The following TOPAZ1 variants were observed in gnomAD, a reference collection of about 807,000 sequenced individuals.
The protein encoded by TOPAZ1 is testis and ovary specific TOPAZ 1.
Under a neutral mutation model 172.2 loss-of-function variants are expected in TOPAZ1, and 66 were observed. The ratio of observed to expected loss-of-function variants is 0.38; its 90% CI spans 0.31 to 0.47. The LOEUF is 0.47. Ranked by LOEUF, TOPAZ1 falls within the 20% of genes least tolerant of loss-of-function variation. TOPAZ1 has a pLI of 0.99. For missense variants in TOPAZ1, 1,822 were observed against 1,972.4 expected (o/e 0.92, Z 1.44); for synonymous variants, 681 against 683.9 (o/e 1.00, Z 0.07).
chr3:44,281,858 T>G, intron 8 of TOPAZ1, 110 bp from the exon 9 acceptor site: 1 of 636,754 alleles, frequency 1.6e-6, no homozygotes, highest in Non-Finnish European at 2.7e-6. Flanking sequence ...TTCCAATCCT[T>G]TGAGATCATT....
intron 3 of TOPAZ1, among the ~76,000 whole-genome samples, chr3:44,255,265 T>C (rs1165069595): frequency 6.6e-6 from 1 of 152,212 alleles, no homozygotes; most frequent in Non-Finnish European, 1.5e-5. Context: ...CTACAAAAGA[T>C]AGGTAATTGA....
At chr3:44,252,422 C>T (rs1038594172) in intron 2 of TOPAZ1, among the ~76,000 whole-genome samples, 5 of 152,282 alleles carry the variant, frequency 3.3e-5, no homozygotes, top group South Asian at 4.1e-4. Flanking sequence ...TGCCAGTAAC[C>T]GTTGAGAGTG....
At chr3:44,263,857 A>G (rs924716745) in intron 5 of TOPAZ1, among the ~76,000 whole-genome samples, 3 of 152,208 alleles carry the variant, frequency 2.0e-5, no homozygotes, top group African/African-American at 7.2e-5. Context: ...CTAGATAAGT[A>G]GTGTCCAAAT....
chr3:44,304,803 G>A (rs1171679801), intron 13 of TOPAZ1, among the ~76,000 whole-genome samples: 1 of 152,200 alleles, frequency 6.6e-6, no homozygotes, highest in East Asian at 1.9e-4. Flanking sequence ...CATGGAGACA[G>A]TTCAAATTAT....
chr3:44,298,579 C>G (rs1044237472), intron 12 of TOPAZ1, among the ~76,000 whole-genome samples: 4 of 151,712 alleles, frequency 2.6e-5, no homozygotes, highest in African/African-American at 7.3e-5. Flanking sequence ...AGACATAGGT[C>G]AAAGGAACAG....
chr3:44,266,461 T>A (rs563277920), intron 5 of TOPAZ1, among the ~76,000 whole-genome samples: 55 of 152,330 alleles, frequency 3.6e-4, no homozygotes, highest in African/African-American at 1.3e-3. Flanking sequence ...CATTTCTAGC[T>A]TTTGATTTAA....
chr3:44,325,305 T>C (rs1275603260), intron 18 of TOPAZ1, among the ~76,000 whole-genome samples: 1 of 152,230 alleles, frequency 6.6e-6, no homozygotes, highest in South Asian at 2.1e-4. Flanking sequence ...GCCTTTGTTT[T>C]GACTTTTTTT....
intron 12 of TOPAZ1, among the ~76,000 whole-genome samples, chr3:44,294,308 C>T (rs965798357): frequency 1.3e-5 from 2 of 151,732 alleles, no homozygotes; most frequent in African/African-American, 4.8e-5. Context: ...GAGGTACTAA[C>T]GTTGGTGACC....
At chr3:44,253,324 A>C (rs371496519) in intron 2 of TOPAZ1, among the ~76,000 whole-genome samples, 171 of 152,362 alleles carry the variant, frequency 1.1e-3, no homozygotes, top group African/African-American at 3.9e-3. Flanking sequence ...GATCACATTT[A>C]CTTTTAAAAA....
At position 44,243,906 on chromosome 3, in the gene TOPAZ1, C is replaced by T. The variant is rs1021523106; in HGVS notation, c.1400C>T (p.Ser467Leu). 1 of 1,552,104 alleles carries T rather than the reference C, an allele frequency of 6.4e-7. No individual in the cohort carries two copies. The highest frequency in any genetic ancestry group is 1.4e-5 in the African/African-American group (1 of 73,036). Residue 467 changes from serine (S) to leucine (L), a missense_variant, in exon 2 of 20, where the codon TCA (serine) becomes TTA (leucine). Physicochemically the swap from Ser to Leu is moderately radical, Grantham distance 145. This residue lies in a region of TOPAZ1 where 1,489 missense variants were observed against 1,490.8 expected (regional missense o/e 1.00). Coordinates refer to ENST00000309765, the MANE Select transcript of TOPAZ1 (RefSeq NM_001145030.2). ...PNEYHIERRS[S>L]REDLRSASEE... Reference sequence around the variant, plus strand: ...GAGTACCATATTGAAAGGAGATCTTCACGGGAAGACTTAAGAAGTGCATCT... The same window carrying T: ...GAGTACCATATTGAAAGGAGATCTTTACGGGAAGACTTAAGAAGTGCATCT...
intron 5 of TOPAZ1, among the ~76,000 whole-genome samples, chr3:44,263,472 A>G (rs1699797231): frequency 6.6e-6 from 1 of 152,368 alleles, no homozygotes; most frequent in South Asian, 2.1e-4. Context: ...TCTTCCATCT[A>G]TAAAAATTCA....
intron 8 of TOPAZ1, among the ~76,000 whole-genome samples, chr3:44,271,750 G>C (rs1167967850): frequency 2.0e-5 from 3 of 151,236 alleles, no homozygotes; most frequent in African/African-American, 7.3e-5. Context: ...ATCTTTTTTT[G>C]TGGCAAGAAT....
chr3:44,265,201 G>C (rs958914050), intron 5 of TOPAZ1, among the ~76,000 whole-genome samples: 4 of 152,164 alleles, frequency 2.6e-5, no homozygotes, highest in Non-Finnish European at 5.9e-5. Context: ...TAAATAATAA[G>C]TCTTGAAAGT....
intron 17 of TOPAZ1, among the ~76,000 whole-genome samples, chr3:44,322,384 A>G (rs965578141): frequency 5.9e-5 from 9 of 152,258 alleles, no homozygotes; most frequent in Non-Finnish European, 1.2e-4. Context: ...AACTGTAGAT[A>G]TAATACAAAC....
chr3:44,281,855 C>T (rs1700026701), intron 8 of TOPAZ1, 113 bp from the exon 9 acceptor site: 1 of 620,348 alleles, frequency 1.6e-6, no homozygotes. Flanking sequence ...TTATTCCAAT[C>T]CTTTGAGATC....
chr3:44,334,799 A>G (rs1471355900), downstream of TOPAZ1, among the ~76,000 whole-genome samples: 1 of 152,170 alleles, frequency 6.6e-6, no homozygotes, highest in Non-Finnish European at 1.5e-5. Context: ...TGTAGGTGCA[A>G]CACATTTTGT....
intron 4 of TOPAZ1, among the ~76,000 whole-genome samples, chr3:44,258,573 T>A (rs952930503): frequency 1.3e-5 from 2 of 152,128 alleles, no homozygotes; most frequent in Non-Finnish European, 2.9e-5. Context: ...CCTCTTCAGA[T>A]TGGTTTCTTT....
intron 12 of TOPAZ1, among the ~76,000 whole-genome samples, chr3:44,294,135 G>A (rs763127959): frequency 6.0e-4 from 91 of 152,084 alleles, no homozygotes; most frequent in Non-Finnish European, 1.1e-3. Context: ...AGCTACTCAG[G>A]AGGCTGAGGT....
chr3:44,306,283 A>G (rs1210419063), intron 14 of TOPAZ1, 43 bp from the exon 15 acceptor site: 1 of 1,282,570 alleles, frequency 7.8e-7, no homozygotes, highest in African/African-American at 1.5e-5. Context: ...CATCATTTTA[A>G]GTGACTATTT....
Sources: gnomAD v4.1 joint callset for allele counts (sites outside exome capture counted in the v4.1 genomes callset) on GRCh38, gnomAD v4.1.1 for gene constraint, gnomAD v4.1.1 regional missense constraint, MANE v1.5 for transcripts, NCBI Gene and HGNC (gene_info 2026-07-23, HGNC 2026-07-21) for gene names.